SNX27: variants seen among roughly 807,000 people sequenced by gnomAD.
The protein encoded by SNX27 is sorting nexin-27.
In SNX27, 22 loss-of-function variants were observed where a neutral mutation model predicts 71.6. The observed-to-expected ratio is 0.31, with a 90% CI of 0.22 to 0.44. The LOEUF (loss-of-function observed/expected upper bound fraction) is 0.44. SNX27 is among the 20% of genes least tolerant of loss of function. The pLI is 1.00. For synonymous variants in SNX27, 269 were observed against 277.2 expected (o/e 0.97, Z 0.29); for missense variants, 531 against 698.6 (o/e 0.76, Z 2.70).
chr1:151,618,627 G>A (rs1026933733), intron 1 of SNX27, among the ~76,000 whole-genome samples: 1 of 152,166 alleles, frequency 6.6e-6, no homozygotes, highest in African/African-American at 2.4e-5. Context: ...ATTTTTCTAG[G>A]TAAGTCCCAT....
At chr1:151,693,937 T>A in intron 11 of SNX27, 1 of 1,311,430 alleles carries the variant, frequency 7.6e-7, no homozygotes. Flanking sequence ...TATGTGCCAG[T>A]GCTGGAACAG....
chr1:151,651,938 G>C (rs1216827180), intron 2 of SNX27, among the ~76,000 whole-genome samples: 1 of 152,056 alleles, frequency 6.6e-6, no homozygotes, highest in Non-Finnish European at 1.5e-5. Context: ...ACGAGACTCC[G>C]TCTGCAATCC....
At chr1:151,642,954 G>GATTTA (rs1553258036) in intron 2 of SNX27, among the ~76,000 whole-genome samples, 1 of 149,374 alleles carries the variant, frequency 6.7e-6, no homozygotes, top group Non-Finnish European at 1.5e-5. Context: ...TTTTATTTTT[G>GATTTA]TTTTATTTTA....
chr1:151,691,798 G>A (rs1671464798), intron 8 of SNX27, among the ~76,000 whole-genome samples: 1 of 152,070 alleles, frequency 6.6e-6, no homozygotes, highest in Non-Finnish European at 1.5e-5. Context: ...ACCGGCGTGA[G>A]CCACCGCGCC....
At chr1:151,617,669 A>G (rs1018607549) in intron 1 of SNX27, among the ~76,000 whole-genome samples, 1 of 152,166 alleles carries the variant, frequency 6.6e-6, no homozygotes, top group African/African-American at 2.4e-5. Context: ...GACTACATCA[A>G]ATACTATGTA....
At chr1:151,643,163 C>A (rs1045832995) in intron 2 of SNX27, among the ~76,000 whole-genome samples, 1 of 150,716 alleles carries the variant, frequency 6.6e-6, no homozygotes, top group Admixed American at 6.6e-5. Context: ...AGGGTTTCTC[C>A]ATGTTGGTCA....
In SNX27 at chr1:151,665,938, C is replaced by T. The variant is rs529966476; in HGVS notation, c.912C>T (p.Ile304=). 2.2e-5 allele frequency: 35 copies of T among 1,597,826 alleles called. No homozygotes were observed. The highest frequency in any genetic ancestry group is 1.4e-4 in the Admixed American group (8 of 58,828). ...TCTATCCTGTTTAACCTTAGGCTATCGCAGCAAAGGTTGGCATGGACAGTA... is the reference window on the plus strand; with the variant it reads ...TCTATCCTGTTTAACCTTAGGCTATTGCAGCAAAGGTTGGCATGGACAGTA... ...NSTTDQVYQA[I]AAKVGMDSTT... The change falls in exon 6 of 12, where the codon ATC becomes ATT. Residue 304 remains isoleucine (I), a synonymous_variant. Transcript: ENST00000458013.
rs1571882966 is a variant in SNX27 at position 151,693,876 on chromosome 1, C to CA, written c.1578+395dup. ...GTCCTGGCAGTCTTTCTAGGCGAAC[C>CA]AAGAATGTTTGTGTGAGGGAAGGTG... On this transcript the variant is annotated intron_variant, in intron 11 of 11. Coordinates refer to ENST00000458013, the MANE Select transcript of SNX27 (RefSeq NM_001330723.2). The CA allele has an allele frequency of 5.7e-6, 8 of 1,402,576 alleles. No homozygotes were observed. In the East Asian group the frequency reaches 2.1e-4, roughly 36 times the overall value. 86.9% of individuals were successfully genotyped at this position (1,402,576 alleles called of 1,614,324 possible). A position where few individuals can be genotyped will look rare whatever the true frequency, so the allele number is the denominator to read the frequency against.
chr1:151,640,045 C>CT (rs149750910), intron 2 of SNX27, among the ~76,000 whole-genome samples: 194 of 152,266 alleles, frequency 1.3e-3, no homozygotes, highest in African/African-American at 4.5e-3. Context: ...ATGGTAAATT[C>CT]TTTTTAGTGA....
At chr1:151,616,512 A>T (rs986835341) in intron 1 of SNX27, among the ~76,000 whole-genome samples, 13 of 152,248 alleles carry the variant, frequency 8.5e-5, no homozygotes, top group Admixed American at 2.6e-4. Flanking sequence ...AAGATAAAAT[A>T]AAACTGTGTA....
chr1:151,629,140 C>T (rs1427467892), intron 1 of SNX27, among the ~76,000 whole-genome samples: 1 of 151,860 alleles, frequency 6.6e-6, no homozygotes, highest in East Asian at 1.9e-4. Flanking sequence ...AGCATTGGCT[C>T]AAACATTTCT....
Position 151,639,135 on chromosome 1 carries a change from A to G in SNX27, c.543+16A>G, listed in dbSNP as rs866664578. 9.4e-6 allele frequency: 15 copies of G among 1,598,614 alleles called. No homozygotes were observed. Among genetic ancestry groups the G allele is most frequent in the Middle Eastern group, 1.7e-4 (1 of 6,000 alleles). ...GAAGTTTGTGGTGAGTGTCAGCCCA[A>G]CTCGATCCTCGAACATCTAGCTTTG... is the stretch of plus-strand genomic sequence containing the variant. On this transcript the variant is annotated intron_variant, in intron 2 of 11. Coordinates refer to ENST00000458013, the MANE Select transcript of SNX27 (RefSeq NM_001330723.2).
intron 7 of SNX27, among the ~76,000 whole-genome samples, chr1:151,674,623 A>C (rs1342724599): frequency 6.6e-6 from 1 of 151,396 alleles, no homozygotes; most frequent in Non-Finnish European, 1.5e-5. Context: ...CTAGTCTTCT[A>C]CTGGCATTGA....
chr1:151,641,949 T>C (rs923396860), intron 2 of SNX27, among the ~76,000 whole-genome samples: 2 of 45,608 alleles, frequency 4.4e-5, no homozygotes, highest in African/African-American at 1.2e-4. Flanking sequence ...ATATATCAGC[T>C]ATAGATATAT....
intron 7 of SNX27, 76 bp downstream of exon 7, chr1:151,668,711 G>T (rs1670324409): frequency 7.1e-7 from 1 of 1,398,630 alleles, no homozygotes. Context: ...CCAATTCCCT[G>T]TAAATCCTTA....
At chr1:151,627,069 T>C (rs976803520) in intron 1 of SNX27, among the ~76,000 whole-genome samples, 1 of 152,122 alleles carries the variant, frequency 6.6e-6, no homozygotes, top group African/African-American at 2.4e-5. Flanking sequence ...AGCAAAGAAA[T>C]TTGTGTGTGT....
At chr1:151,644,712 G>A (rs150279958) in intron 2 of SNX27, among the ~76,000 whole-genome samples, 2 of 152,274 alleles carry the variant, frequency 1.3e-5, no homozygotes, top group East Asian at 3.9e-4. Context: ...TTCCGAAGTG[G>A]CTGTACCATA....
chr1:151,667,822 G>A (rs1323400343), intron 6 of SNX27, among the ~76,000 whole-genome samples: 1 of 71,440 alleles, frequency 1.4e-5, no homozygotes, highest in African/African-American at 5.6e-5. Context: ...GCGAGACTCC[G>A]TCTCAAAAAA....
chr1:151,668,246 G>T (rs1361742217), intron 6 of SNX27, among the ~76,000 whole-genome samples: 1 of 152,178 alleles, frequency 6.6e-6, no homozygotes, highest in Admixed American at 6.5e-5. Flanking sequence ...CAAGTGATAG[G>T]TTTCAGTTAG....
Sources: gnomAD v4.1 joint callset for allele counts (sites outside exome capture counted in the v4.1 genomes callset) on GRCh38, gnomAD v4.1.1 for gene constraint, MANE v1.5 for transcripts, NCBI Gene and HGNC (gene_info 2026-07-23, HGNC 2026-07-21) for gene names.